Variants in KCNJ3 observed in about 807,000 individuals in gnomAD.
KCNJ3 encodes the protein potassium inwardly rectifying channel subfamily J member 3, also known as G protein-activated inward rectifier potassium channel 1.
In KCNJ3, 4 loss-of-function variants were observed where a neutral mutation model predicts 39.2. The ratio of observed to expected loss-of-function variants is 0.10; its 90% CI spans 0.05 to 0.23. The LOEUF (loss-of-function observed/expected upper bound fraction) is 0.23, where lower values mean the gene tolerates loss of function less well. KCNJ3 is among the 10% of genes least tolerant of loss of function. The pLI is 1.00. For synonymous variants in KCNJ3, 230 were observed against 237.4 expected (o/e 0.97, Z 0.29); for missense variants, 276 against 634.9 (o/e 0.43, Z 6.08).
At chr2:154,713,157 A>G (rs2105154228) in intron 2 of KCNJ3, among the ~76,000 whole-genome samples, 1 of 152,234 alleles carries the variant, frequency 6.6e-6, no homozygotes, top group Admixed American at 6.5e-5. Flanking sequence ...CAGAGCCTGT[A>G]TTTATACGAA....
chr2:154,777,272 G>C lies in KCNJ3; in HGVS notation c.919+67453G>C, dbSNP rs975394714. Among the ~76,000 whole-genome samples, 28 of 152,208 alleles carry C rather than the reference G, an allele frequency of 1.8e-4. 1 individual carries two copies. The highest frequency in any genetic ancestry group is 4.1e-4 in the South Asian group (2 of 4,826). ...TTTCCTGTGACTACAGTGTTTCTGC[G>C]ACTTATTTGTGAATATATGTGTATG... is the stretch of plus-strand genomic sequence containing the variant. On this transcript the variant is annotated intron_variant, in intron 2 of 2. Transcript: ENST00000295101.
At chr2:154,786,468 C>T (rs1686531208) in intron 2 of KCNJ3, among the ~76,000 whole-genome samples, 1 of 152,052 alleles carries the variant, frequency 6.6e-6, no homozygotes. Flanking sequence ...TGCTATCCAC[C>T]AAAGCTGTAT....
intron 2 of KCNJ3, among the ~76,000 whole-genome samples, chr2:154,801,728 G>A (rs1686823036): frequency 6.6e-6 from 1 of 151,834 alleles, no homozygotes; most frequent in African/African-American, 2.4e-5. Flanking sequence ...CCAGGTTCAA[G>A]CTGTTCTCCC....
At chr2:154,852,728 A>ATACT in intron 2 of KCNJ3, among the ~76,000 whole-genome samples, 2 of 152,242 alleles carry the variant, frequency 1.3e-5, no homozygotes, top group South Asian at 2.1e-4. Context: ...TTCTTATGAA[A>ATACT]TACTTAGAGG....
chr2:154,811,142 A>G (rs566254897), intron 2 of KCNJ3, among the ~76,000 whole-genome samples: 2 of 152,320 alleles, frequency 1.3e-5, no homozygotes, highest in African/African-American at 4.8e-5. Flanking sequence ...CAGGATGTAC[A>G]CATCCAGAAA....
chr2:154,790,106 G>A (rs1686601712), intron 2 of KCNJ3, among the ~76,000 whole-genome samples: 1 of 152,068 alleles, frequency 6.6e-6, no homozygotes, highest in Non-Finnish European at 1.5e-5. Context: ...TTACTTCTTT[G>A]TCGTGACAGA....
chr2:154,847,657 C>T (rs1250942185), intron 2 of KCNJ3, among the ~76,000 whole-genome samples: 1 of 152,172 alleles, frequency 6.6e-6, no homozygotes, highest in African/African-American at 2.4e-5. Flanking sequence ...AAGGATTCTT[C>T]TGAGAGAAAA....
chr2:154,729,149 A>T (rs140041402), intron 2 of KCNJ3, among the ~76,000 whole-genome samples: 49 of 152,298 alleles, frequency 3.2e-4, no homozygotes, highest in African/African-American at 1.1e-3. Flanking sequence ...TTACAAGAAA[A>T]CCTTTTTAGT....
intron 2 of KCNJ3, among the ~76,000 whole-genome samples, chr2:154,741,499 T>A (rs1685653528): frequency 6.6e-6 from 1 of 151,866 alleles, no homozygotes; most frequent in South Asian, 2.1e-4. Flanking sequence ...AGAGAATCGA[T>A]TGTGTTAAGA....
chr2:154,747,617 C>G (rs1685770125), intron 2 of KCNJ3, among the ~76,000 whole-genome samples: 1 of 151,834 alleles, frequency 6.6e-6, no homozygotes, highest in Non-Finnish European at 1.5e-5. Flanking sequence ...AAGTAAACGG[C>G]TTTGTGATTT....
chr2:154,740,357 TC>T (rs1335069470), intron 2 of KCNJ3, among the ~76,000 whole-genome samples: 2 of 152,042 alleles, frequency 1.3e-5, no homozygotes, highest in African/African-American at 4.8e-5. Flanking sequence ...TTACCTCCCA[TC>T]CCACAGACCA....
At chr2:154,852,616 T>C (rs1239155147) in intron 2 of KCNJ3, among the ~76,000 whole-genome samples, 1 of 152,146 alleles carries the variant, frequency 6.6e-6, no homozygotes, top group Non-Finnish European at 1.5e-5. Context: ...TTCTTTATTC[T>C]AGATACTTTT....
intron 2 of KCNJ3, among the ~76,000 whole-genome samples, chr2:154,794,614 A>G (rs180985418): frequency 1.3e-5 from 2 of 152,162 alleles, no homozygotes; most frequent in Admixed American, 6.6e-5. Context: ...TCATTTCCCC[A>G]GCAAAGAAGA....
At chr2:154,736,653 AG>A (rs1031975702) in intron 2 of KCNJ3, among the ~76,000 whole-genome samples, 1 of 152,176 alleles carries the variant, frequency 6.6e-6, no homozygotes, top group Non-Finnish European at 1.5e-5. Context: ...TATCTTTAAA[AG>A]TATATATATG....
At chr2:154,768,022 T>A (rs2105193868) in intron 2 of KCNJ3, among the ~76,000 whole-genome samples, 1 of 152,348 alleles carries the variant, frequency 6.6e-6, no homozygotes, top group Admixed American at 6.5e-5. Context: ...CACCCACTTT[T>A]TGATGGGGTT....
intron 2 of KCNJ3, among the ~76,000 whole-genome samples, chr2:154,788,110 T>C (rs192601647): frequency 6.6e-6 from 1 of 152,198 alleles, no homozygotes; most frequent in East Asian, 1.9e-4. Context: ...GGACAGAGCA[T>C]AGAAGGTAAG....
At chr2:154,726,293 G>T (rs907343987) in intron 2 of KCNJ3, among the ~76,000 whole-genome samples, 3 of 152,038 alleles carry the variant, frequency 2.0e-5, no homozygotes, top group African/African-American at 7.2e-5. Flanking sequence ...TCAAAAAGTG[G>T]TCTGAGGACA....
chr2:154,795,357 C>T (rs113728719), intron 2 of KCNJ3, among the ~76,000 whole-genome samples: 7,373 of 151,790 alleles, frequency 0.049, 218 homozygotes, highest in African/African-American at 0.082. Context: ...ATGTTGATTT[C>T]GCTATCAAGA....
chr2:154,833,981 G>C (rs550898687), intron 2 of KCNJ3, among the ~76,000 whole-genome samples: 12 of 152,148 alleles, frequency 7.9e-5, no homozygotes, highest in African/African-American at 2.9e-4. Context: ...AAATAAAGCT[G>C]CTATAAACAT....
Sources: gnomAD v4.1 joint callset for allele counts (sites outside exome capture counted in the v4.1 genomes callset) on GRCh38, gnomAD v4.1.1 for gene constraint, MANE v1.5 for transcripts, NCBI Gene and HGNC (gene_info 2026-07-23, HGNC 2026-07-21) for gene names.